TMEM115: variants seen among roughly 807,000 people sequenced by gnomAD.
TMEM115 encodes PP6.
Under a neutral mutation model 20.1 loss-of-function variants are expected in TMEM115, and 8 were observed. That is an observed-to-expected ratio of 0.40 (90% confidence interval 0.23 to 0.72). TMEM115 has a LOEUF of 0.72. Among genes scored for constraint, TMEM115 ranks in the 30% least tolerant of loss-of-function variants. The probability of loss-of-function intolerance (pLI) is 0.39; values close to 1 mark genes in which losing one functional copy is unlikely to be tolerated. For synonymous variants in TMEM115, 229 were observed against 206.2 expected (o/e 1.11, Z -0.95); for missense variants, 374 against 455.1 (o/e 0.82, Z 1.62).
Position 50,358,590 on chromosome 3 carries a change from G to A in TMEM115, c.474C>T (p.Val158=), listed in dbSNP as rs1196304207. ...TGACGCGCACCTGGGGCACTCGCAGGACCACACAGTCCCCCATGGTTTGCT... is the reference window on the plus strand; with the variant it reads ...TGACGCGCACCTGGGGCACTCGCAGAACCACACAGTCCCCCATGGTTTGCT... ...ALKQTMGDCV[V]LRVPQVRVSV... Residue 158 remains valine (V), a synonymous_variant, in exon 1 of 2, where the codon GTC becomes GTT. Coordinates refer to ENST00000266025, the MANE Select transcript of TMEM115 (RefSeq NM_007024.5). 1 of 1,611,696 alleles carries A rather than the reference G, an allele frequency of 6.2e-7. No individual in the cohort carries two copies.
At position 50,359,148 on chromosome 3, in the gene TMEM115, A is replaced by T; in HGVS notation, c.-85T>A. ...CTCGTCCTAGTCCGGCCCCGATGGG[A>T]GGCCCAGGCCCGGCCTAGTCACTGG... is the stretch of plus-strand genomic sequence containing the variant. On this transcript the variant is annotated 5_prime_UTR_variant, in exon 1 of 2. Transcript: ENST00000266025. 46 of 1,415,376 alleles carry T rather than the reference A, an allele frequency of 3.3e-5. No homozygotes were observed. The highest frequency in any genetic ancestry group is 2.6e-4 in the Middle Eastern group (1 of 3,774). 87.7% of individuals were successfully genotyped at this position (1,415,376 alleles called of 1,614,324 possible). A position where few individuals can be genotyped will look rare whatever the true frequency, so the allele number is the denominator to read the frequency against.
Position 50,358,652 on chromosome 3 carries a change from C to T in TMEM115, c.412G>A (p.Ala138Thr). The T allele has an allele frequency of 6.2e-7, 1 of 1,613,156 alleles. No homozygotes were observed. The highest frequency in any genetic ancestry group is 8.5e-7 in the Non-Finnish European group (1 of 1,179,900). Residue 138 changes from alanine (A) to threonine (T), a missense_variant, in exon 1 of 2, where the codon GCC (alanine) becomes ACC (threonine). Ala to Thr is a moderately conservative substitution (Grantham distance 58, BLOSUM62 0). Coordinates refer to ENST00000266025, the MANE Select transcript of TMEM115 (RefSeq NM_007024.5). ...AGGACGCCACCTAGGAAGCCCAAGG[C>T]GCCGTGGATACGGACAGTGAACAGG... is the stretch of plus-strand genomic sequence containing the variant. Reference protein sequence around the residue: ...VYLFTVRIHGALGFLGGVLVA... With the variant: ...VYLFTVRIHGTLGFLGGVLVA...
At position 50,355,191 on chromosome 3, in the gene TMEM115, C is replaced by A; in HGVS notation, c.*152G>T. ...GAGTTGGAACCAGGTAGCAAGAGTC[C>A]TGGGTAGTGTTGGCGAGAAACAGCA... On this transcript the variant is annotated 3_prime_UTR_variant, in exon 2 of 2. Transcript: ENST00000266025. The A allele has an allele frequency of 1.8e-6, 1 of 549,076 alleles. No homozygotes were observed. Among genetic ancestry groups the A allele is most frequent in the Non-Finnish European group, 3.1e-6 (1 of 326,926 alleles). 34.0% of individuals were successfully genotyped at this position (549,076 alleles called of 1,614,324 possible).
chr3:50,358,129 T>G, intron 1 of TMEM115, 84 bp downstream of exon 1: 1 of 1,539,392 alleles, frequency 6.5e-7, no homozygotes. Context: ...TCTCCACCTA[T>G]GTACAGCGAA....
rs1292317741 is a variant in TMEM115 at position 50,355,307 on chromosome 3, T to C, written c.*36A>G. ...AGCTGAGAGGATGTCAAGGGGGGCT[T>C]GGGAGGGGAGGTGCCACACTCAAGG... On this transcript the variant is annotated 3_prime_UTR_variant, in exon 2 of 2. Transcript: ENST00000266025. The C allele has an allele frequency of 1.4e-6, 2 of 1,421,468 alleles. No homozygotes were observed. Among genetic ancestry groups the C allele is most frequent in the Non-Finnish European group, 1.9e-6 (2 of 1,067,344 alleles). The allele number at this position is 1,421,468 out of a possible 1,614,324, so 88.1% of individuals were successfully genotyped here.
chr3:50,358,145 C>T (rs1452865981), intron 1 of TMEM115, 68 bp downstream of exon 1: 31 of 1,574,396 alleles, frequency 2.0e-5, no homozygotes, highest in Non-Finnish European at 2.3e-5. Flanking sequence ...GCGAACACCT[C>T]AACAGATGGC....
rs2109378311 is a variant in TMEM115, at chr3:50,355,620, G to A, written c.852-73C>T. ...TCATGCCCTCTACCCTTCCGCAGCA[G>A]GCTGACTCCTCACCGTACCACCTAG... On this transcript the variant is annotated intron_variant, in intron 1 of 1. Transcript: ENST00000266025. 15 of 1,365,820 alleles carry A rather than the reference G, an allele frequency of 1.1e-5. No homozygotes were observed. The South Asian group carries it at 2.0e-4, about 18-fold the overall frequency. The allele number at this position is 1,365,820 out of a possible 1,614,324, so 84.6% of individuals were successfully genotyped here. A position where few individuals can be genotyped will look rare whatever the true frequency, so the allele number is the denominator to read the frequency against.
intron 1 of TMEM115, among the ~76,000 whole-genome samples, chr3:50,357,078 G>C (rs1703888392): frequency 6.6e-6 from 1 of 152,244 alleles, no homozygotes; most frequent in South Asian, 2.1e-4. Context: ...CTAAGGTTAA[G>C]AGAGACTTCT....
In TMEM115 at chr3:50,358,875, G is replaced by A. The variant is rs756161331; in HGVS notation, c.189C>T (p.Ala63=). Residue 63 remains alanine (A), a synonymous_variant, in exon 1 of 2, where the codon GCC becomes GCT. Coordinates refer to ENST00000266025, the MANE Select transcript of TMEM115 (RefSeq NM_007024.5). ...CATGCTGCTCCATCAGCCCATGGGT[G>A]GCCAGGGTCCAGATCCAGAAGTTGG... ...FPPNFWIWTL[A]THGLMEQHVW... is the part of the protein sequence containing the mutation. The A allele has an allele frequency of 7.4e-6, 12 of 1,613,288 alleles. No individual in the cohort carries two copies. The East Asian group carries it at 2.7e-4, about 36-fold the overall frequency.
Position 50,355,014 on chromosome 3 carries a change from T to G in TMEM115, c.*329A>C. 4.0e-6 allele frequency: 1 copy of G among 247,378 alleles called. No homozygotes were observed. The highest frequency in any genetic ancestry group is 7.7e-6 in the Non-Finnish European group (1 of 129,326). The allele number at this position is 247,378 out of a possible 1,614,324, so 15.3% of individuals were successfully genotyped here. A position where few individuals can be genotyped will look rare whatever the true frequency, so the allele number is the denominator to read the frequency against. On this transcript the variant is annotated 3_prime_UTR_variant, in exon 2 of 2. Transcript: ENST00000266025. ...TTGGCTCAGGGCTCTCGGCAACCAG[T>G]TTCAGATGTGAGGGCCGGCCCAGGA... is the stretch of plus-strand genomic sequence containing the variant.
At position 50,355,434 on chromosome 3, in the gene TMEM115, A is replaced by AG; in HGVS notation, c.964dup (p.Leu322ProfsTer57). 1 of 1,599,196 alleles carries AG rather than the reference A, an allele frequency of 6.3e-7. No individual in the cohort carries two copies. Among genetic ancestry groups the AG allele is most frequent in the Non-Finnish European group, 8.5e-7 (1 of 1,172,426 alleles). On this transcript the variant is annotated frameshift_variant, in exon 2 of 2. Transcript: ENST00000266025. LOFTEE classifies it high-confidence loss of function. ...GGGTGTGGGAGCTTTGTCTGAGGGC[A>AG]GGGGGCTGTCCACCTTGGCCCCAGA...
Position 50,358,966 on chromosome 3 carries a change from A to G in TMEM115, c.98T>C (p.Leu33Pro). ...VKALCAAVLFLYLLSFAVDTG... is the reference protein window; with the variant it reads ...VKALCAAVLFPYLLSFAVDTG... ...GTCCACGGCGAAGGAGAGCAGGTAG[A>G]GGAATAGTACCGCCGCACACAGAGC... Residue 33 changes from leucine (L) to proline (P), a missense_variant, in exon 1 of 2, where the codon CTC becomes CCC. Transcript: ENST00000266025. 1 of 1,608,562 alleles carries G rather than the reference A, an allele frequency of 6.2e-7. No homozygotes were observed.
In TMEM115 at chr3:50,358,728, C is replaced by T; in HGVS notation, c.336G>A (p.Leu112=). The change falls in exon 1 of 2, where the codon CTG becomes CTA. Residue 112 remains leucine (L), a synonymous_variant. Coordinates refer to ENST00000266025, the MANE Select transcript of TMEM115 (RefSeq NM_007024.5). ...FSVVNVSVGL[L]GAFAYLLTYM... ...AGGTGAGGAGGTAGGCGAAGGCCCCCAGCAGCCCTACAGACACATTCACCA... is the reference window on the plus strand; with the variant it reads ...AGGTGAGGAGGTAGGCGAAGGCCCCTAGCAGCCCTACAGACACATTCACCA... 6.2e-7 allele frequency: 1 copy of T among 1,613,504 alleles called. No individual in the cohort carries two copies. The highest frequency in any genetic ancestry group is 1.1e-5 in the South Asian group (1 of 91,078).
chr3:50,357,532 G>A (rs1479890344), intron 1 of TMEM115, among the ~76,000 whole-genome samples: 1 of 152,198 alleles, frequency 6.6e-6, no homozygotes, highest in African/African-American at 2.4e-5. Context: ...CTCCTGCCCT[G>A]GCCAAAGTGC....
rs751183858 is a variant in TMEM115 at position 50,358,599 on chromosome 3, G to A, written c.465C>T (p.Asp155=). 6.2e-7 allele frequency: 1 copy of A among 1,612,128 alleles called. No homozygotes were observed. Among genetic ancestry groups the A allele is most frequent in the Non-Finnish European group, 8.5e-7 (1 of 1,179,534 alleles). Reference sequence around the variant, plus strand: ...CCTGGGGCACTCGCAGGACCACACAGTCCCCCATGGTTTGCTTGAGTGCCA... The same window carrying A: ...CCTGGGGCACTCGCAGGACCACACAATCCCCCATGGTTTGCTTGAGTGCCA... ...VLVALKQTMG[D]CVVLRVPQVR... The change falls in exon 1 of 2, where the codon GAC becomes GAT. Residue 155 remains aspartate, a synonymous_variant. Transcript: ENST00000266025.
intron 1 of TMEM115, 34 bp downstream of exon 1, chr3:50,358,179 T>C (rs896309753): frequency 5.0e-6 from 8 of 1,606,178 alleles, no homozygotes; most frequent in Non-Finnish European, 6.8e-6. Context: ...AGTATGCTCC[T>C]AGCTTGACAA....
rs1703845508 is a variant in TMEM115 at position 50,355,054 on chromosome 3, G to T, written c.*289C>A. ...CCGGCCCAGGAGCTGTGGCATCAGT[G>T]TCCCTGCAGCCACTTGCTTGGGGCT... On this transcript the variant is annotated 3_prime_UTR_variant, in exon 2 of 2. Coordinates refer to ENST00000266025, the MANE Select transcript of TMEM115 (RefSeq NM_007024.5). 3.1e-6 allele frequency: 1 copy of T among 320,792 alleles called. No individual in the cohort carries two copies. Among genetic ancestry groups the T allele is most frequent in the South Asian group, 1.5e-4 (1 of 6,460 alleles). The allele number at this position is 320,792 out of a possible 1,614,324, so 19.9% of individuals were successfully genotyped here.
rs1054054927 is a variant in TMEM115 at position 50,355,126 on chromosome 3, G to A, written c.*217C>T. ...CCTCAGATGAGGGCCTGGACTGGCC[G>A]ATGCCTCAGAGGCTCCGGGCCTGGC... On this transcript the variant is annotated 3_prime_UTR_variant, in exon 2 of 2. Coordinates refer to ENST00000266025, the MANE Select transcript of TMEM115 (RefSeq NM_007024.5). 5 of 408,152 alleles carry A rather than the reference G, an allele frequency of 1.2e-5. No individual in the cohort carries two copies. Among genetic ancestry groups the A allele is most frequent in the African/African-American group, 6.2e-5 (3 of 48,668 alleles). 25.3% of individuals were successfully genotyped at this position (408,152 alleles called of 1,614,324 possible). A position where few individuals can be genotyped will look rare whatever the true frequency, so the allele number is the denominator to read the frequency against.
At chr3:50,356,186 T>C (rs768969997) in intron 1 of TMEM115, among the ~76,000 whole-genome samples, 2 of 152,132 alleles carry the variant, frequency 1.3e-5, no homozygotes, top group African/African-American at 2.4e-5. Context: ...AGCGGAGCCC[T>C]TGCAAGAGGA....
Sources: gnomAD v4.1 joint callset for allele counts (sites outside exome capture counted in the v4.1 genomes callset) on GRCh38, gnomAD v4.1.1 for gene constraint, MANE v1.5 for transcripts, NCBI Gene and HGNC (gene_info 2026-07-23, HGNC 2026-07-21) for gene names.